STAT5B: variants seen among roughly 807,000 people sequenced by gnomAD.
The protein encoded by STAT5B is transcription factor STAT5B.
In STAT5B, 21 loss-of-function variants were observed where a neutral mutation model predicts 107.8. That is an observed-to-expected ratio of 0.19 (90% CI 0.14 to 0.28). STAT5B has a LOEUF of 0.28. Among genes scored for constraint, STAT5B ranks in the 10% least tolerant of loss-of-function variants. The pLI is 1.00. For missense variants in STAT5B, 565 were observed against 1,008.2 expected, an observed-to-expected ratio of 0.56 and a Z score of 5.95; for synonymous variants, 325 against 401.7, an observed-to-expected ratio of 0.81 and a Z score of 2.28.
intron 1 of STAT5B, among the ~76,000 whole-genome samples, chr17:42,254,747 G>GAA (rs1358100963): frequency 6.6e-6 from 1 of 152,046 alleles, no homozygotes; most frequent in East Asian, 1.9e-4. Flanking sequence ...GGAAGGGAAG[G>GAA]AAAAGTAGGG....
chr17:42,240,226 G>A (rs1310580816), intron 1 of STAT5B, among the ~76,000 whole-genome samples: 3 of 152,152 alleles, frequency 2.0e-5, no homozygotes, highest in Non-Finnish European at 4.4e-5. Flanking sequence ...CCCCAAAGTG[G>A]AAACAACTCA....
chr17:42,270,794 T>C (rs1204608917), intron 1 of STAT5B: 3 of 152,174 alleles, frequency 2.0e-5, no homozygotes, highest in Non-Finnish European at 4.4e-5. Context: ...CCAAGAACAG[T>C]AATGTGACCT....
intron 16 of STAT5B, among the ~76,000 whole-genome samples, chr17:42,207,285 C>T (rs2080092655): frequency 6.6e-6 from 1 of 152,026 alleles, no homozygotes; most frequent in South Asian, 2.1e-4. Flanking sequence ...CAAAATTTTA[C>T]CTAATTTTGT....
At chr17:42,244,786 G>A (rs191586373) in intron 1 of STAT5B, among the ~76,000 whole-genome samples, 72 of 152,214 alleles carry the variant, frequency 4.7e-4, no homozygotes, top group Middle Eastern at 3.4e-3. Context: ...CCAAAATAGG[G>A]GGATGATTAG....
rs1598304066 is a variant in STAT5B, at chr17:42,219,754, G to A, written c.639C>T (p.Ala213=). Residue 213 remains alanine (A), a synonymous_variant, in exon 6 of 19, where the codon GCC becomes GCT. Coordinates refer to ENST00000293328, the MANE Select transcript of STAT5B (RefSeq NM_012448.4). ...ALQQKQVSLE[A]WLQREAQTLQ... is the part of the protein sequence containing the mutation. ...GTGTCTGTGCCTCACGCTGCAACCA[G>A]GCCTCCAGAGACACCTGCTTCTGCT... 1.2e-6 allele frequency: 2 copies of A among 1,610,122 alleles called. No individual in the cohort carries two copies. Among genetic ancestry groups the A allele is most frequent in the Middle Eastern group, 1.7e-4 (1 of 5,888 alleles).
At chr17:42,280,333 C>T (rs1458924222), upstream of STAT5B, among the ~76,000 whole-genome samples, 1 of 151,952 alleles carries the variant, frequency 6.6e-6, no homozygotes, top group East Asian at 1.9e-4. Context: ...GCCTCCTCCC[C>T]TCTCTCTCTC....
At chr17:42,212,463 C>T (rs1472688490) in intron 12 of STAT5B, among the ~76,000 whole-genome samples, 8 of 152,208 alleles carry the variant, frequency 5.3e-5, no homozygotes, top group Non-Finnish European at 1.5e-5. Flanking sequence ...TATGTTCTAA[C>T]GGCCACAAAC....
chr17:42,233,715 A>C (rs111356079), intron 1 of STAT5B: 4,468 of 152,124 alleles, frequency 0.029, 227 homozygotes, highest in African/African-American at 0.1. Context: ...TGGTCTCGAT[A>C]TCCTGACCTT....
intron 1 of STAT5B, 47 bp from the exon 2 acceptor site, chr17:42,232,184 C>A: frequency 6.3e-7 from 1 of 1,599,962 alleles, no homozygotes; most frequent in Non-Finnish European, 8.5e-7. Context: ...CTTTATTTTC[C>A]CCTTACATCC....
intron 13 of STAT5B, among the ~76,000 whole-genome samples, chr17:42,210,976 A>G (rs1008954757): frequency 6.6e-6 from 1 of 152,038 alleles, no homozygotes; most frequent in South Asian, 2.1e-4. Flanking sequence ...TGAGGTAGGC[A>G]GATCACTTGA....
At chr17:42,210,596 T>C (rs2080120227) in intron 13 of STAT5B, 99 bp from the exon 14 acceptor site, 1 of 1,117,802 alleles carries the variant, frequency 8.9e-7, no homozygotes, top group South Asian at 1.3e-5. Flanking sequence ...AACAAACATC[T>C]ACCCTTGTCA....
intron 1 of STAT5B, among the ~76,000 whole-genome samples, chr17:42,266,651 G>A (rs1275102700): frequency 2.0e-5 from 3 of 151,902 alleles, no homozygotes; most frequent in Non-Finnish European, 4.4e-5. Flanking sequence ...GAGGTGGGAG[G>A]TGTGGAGGTG....
chr17:42,235,856 C>G (rs1334269706), intron 1 of STAT5B, among the ~76,000 whole-genome samples: 2 of 152,084 alleles, frequency 1.3e-5, no homozygotes. Flanking sequence ...AAAATACTTG[C>G]GGAGCGAATA....
chr17:42,272,373 G>A (rs2080728231), intron 1 of STAT5B: 1 of 152,124 alleles, frequency 6.6e-6, no homozygotes, highest in Non-Finnish European at 1.5e-5. Flanking sequence ...ACTCCTCTTT[G>A]AAGCACCGAC....
At chr17:42,222,556 C>CT (rs1198031669) in intron 5 of STAT5B, among the ~76,000 whole-genome samples, 1 of 152,114 alleles carries the variant, frequency 6.6e-6, no homozygotes, top group Non-Finnish European at 1.5e-5. Context: ...TCTTTTCCCC[C>CT]TTAGAGATAG....
intron 1 of STAT5B, chr17:42,274,806 T>A (rs111461069): frequency 0.022 from 3,369 of 152,238 alleles, 60 homozygotes; most frequent in Non-Finnish European, 0.035. Context: ...ATTACCTTAA[T>A]TGAAAGATAA....
intron 16 of STAT5B, among the ~76,000 whole-genome samples, chr17:42,205,213 T>C (rs2080076288): frequency 6.6e-6 from 1 of 151,976 alleles, no homozygotes; most frequent in Admixed American, 6.6e-5. Context: ...TGTTTTTTAG[T>C]AGAGATGGGG....
the STAT5B span, among the ~76,000 whole-genome samples, chr17:42,285,042 A>G: frequency 6.6e-6 from 1 of 152,100 alleles, no homozygotes; most frequent in Admixed American, 6.5e-5. Flanking sequence ...TATTATTCCT[A>G]ATAAAATATA....
intron 1 of STAT5B, among the ~76,000 whole-genome samples, chr17:42,253,120 CT>C (rs1294492635): frequency 5.9e-5 from 9 of 152,090 alleles, no homozygotes; most frequent in African/African-American, 2.2e-4. Flanking sequence ...TTCTTTCTTT[CT>C]TTCTTTCTTT....
Sources: gnomAD v4.1 joint callset for allele counts (sites outside exome capture counted in the v4.1 genomes callset) on GRCh38, gnomAD v4.1.1 for gene constraint, MANE v1.5 for transcripts, NCBI Gene and HGNC (gene_info 2026-07-23, HGNC 2026-07-21) for gene names.